GLIS3: variants seen among roughly 807,000 people sequenced by gnomAD.
GLIS3 encodes the protein zinc finger protein GLIS3.
GLIS3 carries 53 observed loss-of-function variants against 78.6 expected under a neutral mutation model. That is an observed-to-expected ratio of 0.67 (90% confidence interval 0.54 to 0.85). The LOEUF (loss-of-function observed/expected upper bound fraction) is 0.85. Ranked by LOEUF, GLIS3 falls within the 40% of genes least tolerant of loss-of-function variation. GLIS3 has a pLI of 0.00. For synonymous variants in GLIS3, 684 were observed against 509.9 expected (o/e 1.34, Z -4.60); for missense variants, 1,703 against 1,231.1 (o/e 1.38, Z -5.74).
chr9:4,265,644 T>C (rs368090034), intron 2 of GLIS3, among the ~76,000 whole-genome samples: 2 of 152,340 alleles, frequency 1.3e-5, no homozygotes, highest in East Asian at 3.9e-4. Flanking sequence ...AGAACTCTTT[T>C]ATCCAAATAT....
At chr9:4,244,738 C>G (rs906439494) in intron 2 of GLIS3, among the ~76,000 whole-genome samples, 1 of 152,006 alleles carries the variant, frequency 6.6e-6, no homozygotes, top group East Asian at 1.9e-4. Flanking sequence ...CCACACCCAG[C>G]TAATTTTTGT....
Position 3,951,161 on chromosome 9 carries a change from C to G in GLIS3, c.1711-13972G>C, listed in dbSNP as rs1034957973. ...CCAGGGAGATGAATAAATAGCTTCA[C>G]TAAATACATATGGTGCAATTACACC... On this transcript the variant is annotated intron_variant, in intron 4 of 10. Coordinates refer to ENST00000381971, the MANE Select transcript of GLIS3 (RefSeq NM_001042413.2). 2.7e-4 allele frequency among the ~76,000 whole-genome samples: 41 copies of G among 152,184 alleles called. 1 individual carries two copies. The highest frequency in any genetic ancestry group is 2.7e-3 in the Admixed American group (41 of 15,284).
intron 2 of GLIS3, among the ~76,000 whole-genome samples, chr9:4,159,674 G>A (rs1417104439): frequency 2.0e-5 from 3 of 151,716 alleles, no homozygotes; most frequent in Non-Finnish European, 2.9e-5. Flanking sequence ...AGCCGAGATC[G>A]CACCAGTGCA....
chr9:4,408,450 C>T, the GLIS3 span, among the ~76,000 whole-genome samples: 1 of 150,580 alleles, frequency 6.6e-6, no homozygotes, highest in Non-Finnish European at 1.5e-5. Flanking sequence ...AAAAAATAGG[C>T]CGGGCACCTT....
At chr9:4,430,457 C>A in the GLIS3 span, among the ~76,000 whole-genome samples, 1 of 152,214 alleles carries the variant, frequency 6.6e-6, no homozygotes, top group Non-Finnish European at 1.5e-5. Context: ...CAGTAGTCAC[C>A]TATGCCTATG....
At chr9:4,203,420 G>A (rs1819581560) in intron 2 of GLIS3, among the ~76,000 whole-genome samples, 1 of 152,204 alleles carries the variant, frequency 6.6e-6, no homozygotes, top group African/African-American at 2.4e-5. Flanking sequence ...GCAGTTCCGA[G>A]ATTTCTCAAG....
At chr9:3,923,736 C>G (rs1293299328) in intron 6 of GLIS3, among the ~76,000 whole-genome samples, 1 of 152,160 alleles carries the variant, frequency 6.6e-6, no homozygotes, top group Non-Finnish European at 1.5e-5. Context: ...ATGTGTCTCC[C>G]ATACTAGGCT....
chr9:4,050,767 T>C (rs1825696092), intron 4 of GLIS3, among the ~76,000 whole-genome samples: 1 of 152,126 alleles, frequency 6.6e-6, no homozygotes, highest in African/African-American at 2.4e-5. Flanking sequence ...CTTCAAACAC[T>C]AGAGTCCACT....
chr9:4,213,850 A>T (rs1820580099), intron 2 of GLIS3, among the ~76,000 whole-genome samples: 1 of 152,086 alleles, frequency 6.6e-6, no homozygotes, highest in Non-Finnish European at 1.5e-5. Context: ...TGTTCTAGAT[A>T]TCAGGGTCAC....
chr9:3,892,672 GT>G (rs200632098), intron 7 of GLIS3, among the ~76,000 whole-genome samples: 9 of 149,944 alleles, frequency 6.0e-5, no homozygotes, highest in African/African-American at 2.0e-4. Flanking sequence ...AATAGGAACA[GT>G]TTTTTTTTTC....
intron 4 of GLIS3, among the ~76,000 whole-genome samples, chr9:3,995,530 T>A (rs1468692223): frequency 4.6e-5 from 7 of 151,994 alleles, no homozygotes; most frequent in Admixed American, 3.9e-4. Context: ...AAATATCAGA[T>A]ATATAAGTAT....
At position 4,066,125 on chromosome 9, in the gene GLIS3, T is replaced by G. The variant is rs115736173; in HGVS notation, c.1710+51643A>C. On this transcript the variant is annotated intron_variant, in intron 4 of 10. Transcript: ENST00000381971. ...AATCACATGTCAAGCCATTTCTATT[T>G]AATGCCTATTTCAATTTCAAGACAT... 5.0e-3 allele frequency among the ~76,000 whole-genome samples: 760 copies of G among 152,244 alleles called. 5 individuals are homozygous for G. Among genetic ancestry groups the G allele is most frequent in the African/African-American group, 0.014 (588 of 41,558 alleles).
In GLIS3 at chr9:4,076,713, T is replaced by C. The variant is rs10118241; in HGVS notation, c.1710+41055A>G. ...TGAATGTTTCTGTGATGCCACTTCA[T>C]AGCCTGTCTTATTTTTCCTAAAAAT... On this transcript the variant is annotated intron_variant, in intron 4 of 10. Coordinates refer to ENST00000381971, the MANE Select transcript of GLIS3 (RefSeq NM_001042413.2). Among the ~76,000 whole-genome samples, 407 of 152,310 alleles carry C rather than the reference T, an allele frequency of 2.7e-3. 3 individuals carry two copies. The highest frequency in any genetic ancestry group is 9.5e-3 in the African/African-American group (395 of 41,560).
intron 2 of GLIS3, among the ~76,000 whole-genome samples, chr9:4,252,503 T>C (rs1824495893): frequency 6.6e-6 from 1 of 152,168 alleles, no homozygotes. Context: ...AAGCAATTCC[T>C]CTAACCTTTT....
the GLIS3 span, among the ~76,000 whole-genome samples, chr9:4,412,644 A>T: frequency 6.6e-6 from 1 of 152,190 alleles, no homozygotes; most frequent in African/African-American, 2.4e-5. Flanking sequence ...ATAATTGTAA[A>T]AAAGCACAAA....
intron 4 of GLIS3, among the ~76,000 whole-genome samples, chr9:4,072,754 G>A (rs563519988): frequency 2.7e-5 from 4 of 147,934 alleles, no homozygotes; most frequent in African/African-American, 1.0e-4. Flanking sequence ...TTTTTTTGTT[G>A]TTGTTGTTAT....
chr9:4,195,870 C>T (rs147927466), intron 2 of GLIS3, among the ~76,000 whole-genome samples: 25 of 152,324 alleles, frequency 1.6e-4, no homozygotes, highest in Admixed American at 1.4e-3. Context: ...CTAGTGAGGA[C>T]GTGGAGAACT....
intron 2 of GLIS3, among the ~76,000 whole-genome samples, chr9:4,283,279 T>G (rs1015011710): frequency 3.7e-4 from 56 of 151,830 alleles, no homozygotes; most frequent in African/African-American, 1.2e-3. Context: ...GTTTTTTTTT[T>G]TTTTGAGATA....
chr9:4,062,168 A>G (rs1237829540), intron 4 of GLIS3, among the ~76,000 whole-genome samples: 1 of 152,232 alleles, frequency 6.6e-6, no homozygotes, highest in Admixed American at 6.5e-5. Context: ...GACGCAAAGG[A>G]GCTCAACAAA....
Sources: allele counts gnomAD v4.1 joint callset (sites outside exome capture counted in the v4.1 genomes callset), GRCh38; gene constraint gnomAD v4.1.1; transcripts MANE v1.5; gene names NCBI Gene and HGNC (gene_info 2026-07-23, HGNC 2026-07-21).